NRXN3: variants seen among roughly 807,000 people sequenced by gnomAD.
NRXN3 encodes neurexin III.
In NRXN3, 32 loss-of-function variants were observed where a neutral mutation model predicts 137.6. That is an observed-to-expected ratio of 0.23 (90% CI 0.18 to 0.31). The LOEUF is 0.31. Ranked by LOEUF, NRXN3 falls within the 10% of genes least tolerant of loss-of-function variation. The pLI, the probability that NRXN3 is intolerant of heterozygous loss-of-function variation, is 1.00. For missense variants in NRXN3, 1,574 were observed against 2,062.5 expected (o/e 0.76, Z 4.59); for synonymous variants, 798 against 784.5 (o/e 1.02, Z -0.29).
At chr14:78,718,712 T>G (rs1317493540) in intron 8 of NRXN3, among the ~76,000 whole-genome samples, 4 of 152,222 alleles carry the variant, frequency 2.6e-5, no homozygotes, top group Admixed American at 6.5e-5. Flanking sequence ...GTATTTAGAT[T>G]TTTTTCAGCA....
intron 4 of NRXN3, among the ~76,000 whole-genome samples, chr14:78,551,184 T>C (rs898896986): frequency 6.6e-6 from 1 of 152,374 alleles, no homozygotes; most frequent in East Asian, 1.9e-4. Context: ...GGCCTCCATG[T>C]AATCAGAGAA....
At chr14:78,182,850 A>C (rs944327647) in intron 1 of NRXN3, among the ~76,000 whole-genome samples, 2 of 152,108 alleles carry the variant, frequency 1.3e-5, no homozygotes, top group African/African-American at 4.8e-5. Context: ...GGTGAGAAAA[A>C]AAAAGTTTTT....
chr14:78,177,636 T>C (rs2059400161), intron 1 of NRXN3, among the ~76,000 whole-genome samples: 1 of 152,080 alleles, frequency 6.6e-6, no homozygotes, highest in Non-Finnish European at 1.5e-5. Context: ...CATCACACAC[T>C]TTCTCTTAAA....
chr14:79,156,496 G>C (rs551962159), intron 15 of NRXN3, among the ~76,000 whole-genome samples: 1 of 151,662 alleles, frequency 6.6e-6, no homozygotes, highest in South Asian at 2.1e-4. Flanking sequence ...AGGAAGCAAG[G>C]TTAAACAAAT....
chr14:79,459,331 G>C (rs970931421), intron 15 of NRXN3, among the ~76,000 whole-genome samples: 3 of 151,980 alleles, frequency 2.0e-5, no homozygotes, highest in African/African-American at 7.2e-5. Flanking sequence ...GTAATTCATC[G>C]GGAGTGGGCT....
At chr14:79,023,692 AAGG>A (rs1410526532) in intron 15 of NRXN3, among the ~76,000 whole-genome samples, 1 of 152,132 alleles carries the variant, frequency 6.6e-6, no homozygotes, top group East Asian at 1.9e-4. Flanking sequence ...AGGCGACAGG[AAGG>A]AGAAGTGCCG....
intron 4 of NRXN3, among the ~76,000 whole-genome samples, chr14:78,622,278 A>G (rs1037544519): frequency 1.3e-5 from 2 of 152,216 alleles, no homozygotes; most frequent in African/African-American, 4.8e-5. Context: ...TAAAGCAAAC[A>G]TATTTCCAAA....
intron 1 of NRXN3, among the ~76,000 whole-genome samples, chr14:78,239,894 G>A (rs777681806): frequency 5.9e-5 from 9 of 152,104 alleles, no homozygotes; most frequent in Non-Finnish European, 1.0e-4. Flanking sequence ...AGTAGAGATG[G>A]GGTTTCGCCA....
intron 8 of NRXN3, among the ~76,000 whole-genome samples, chr14:78,774,684 G>A (rs1363275678): frequency 6.6e-6 from 1 of 152,164 alleles, no homozygotes; most frequent in African/African-American, 2.4e-5. Context: ...TTTAGAGGCT[G>A]AGGCAGGCAG....
At position 79,001,526 on chromosome 14, in the gene NRXN3, C is replaced by A. The variant is rs568606210; in HGVS notation, c.3262+13385C>A. Among the ~76,000 whole-genome samples, 51 of 152,326 alleles carry A rather than the reference C, an allele frequency of 3.3e-4. 1 individual carries two copies. The highest frequency in any genetic ancestry group is 1.2e-3 in the African/African-American group (48 of 41,588). ...CATTCTGTCGTCATTATGCTCCATG[C>A]CCTTGCAGCTGTACTTCTTTCTCCC... is the stretch of plus-strand genomic sequence containing the variant. On this transcript the variant is annotated intron_variant, in intron 15 of 20. Transcript: ENST00000335750.
chr14:78,728,754 G>C (rs944548789), intron 8 of NRXN3, among the ~76,000 whole-genome samples: 4 of 152,122 alleles, frequency 2.6e-5, no homozygotes, highest in Non-Finnish European at 5.9e-5. Flanking sequence ...AAAAAAATTA[G>C]CCAGGCATGG....
At chr14:79,445,573 A>T (rs535585566) in intron 15 of NRXN3, among the ~76,000 whole-genome samples, 141 of 152,262 alleles carry the variant, frequency 9.3e-4, no homozygotes, top group African/African-American at 3.1e-3. Flanking sequence ...GATGAGGGAA[A>T]GTTGCTACTT....
At chr14:78,582,641 A>G (rs1267916037) in intron 4 of NRXN3, among the ~76,000 whole-genome samples, 3 of 152,212 alleles carry the variant, frequency 2.0e-5, no homozygotes, top group Non-Finnish European at 4.4e-5. Flanking sequence ...ATGAGATGAC[A>G]TAGCATGAAG....
chr14:78,458,606 A>G lies in NRXN3; in HGVS notation c.757+160746A>G, dbSNP rs557063375. 3.3e-5 allele frequency among the ~76,000 whole-genome samples: 5 copies of G among 152,328 alleles called. No homozygotes were observed. In the South Asian group the frequency reaches 1.0e-3, roughly 32 times the overall value. On this transcript the variant is annotated intron_variant, in intron 4 of 20. Coordinates refer to ENST00000335750, the MANE Select transcript of NRXN3 (RefSeq NM_001330195.2). The stretch of plus-strand genomic sequence containing the variant: ...ATCTGTCTCTAAGTTGGGGAAAAGG[A>G]GAACATCTCTTCTGAGGCAATTTTG...
intron 15 of NRXN3, among the ~76,000 whole-genome samples, chr14:79,232,239 T>C (rs957258998): frequency 1.3e-5 from 2 of 152,014 alleles, no homozygotes; most frequent in African/African-American, 2.4e-5. Context: ...CCTTGCCACG[T>C]CTTTGTGTGT....
At chr14:79,470,542 C>T (rs1366051744) in intron 16 of NRXN3, among the ~76,000 whole-genome samples, 1 of 152,116 alleles carries the variant, frequency 6.6e-6, no homozygotes, top group Non-Finnish European at 1.5e-5. Flanking sequence ...AAGGTCATAC[C>T]TCCCAACACT....
At chr14:78,319,111 C>T (rs907481032) in intron 4 of NRXN3, among the ~76,000 whole-genome samples, 3 of 152,206 alleles carry the variant, frequency 2.0e-5, no homozygotes, top group Non-Finnish European at 2.9e-5. Flanking sequence ...CTGCTTCTTT[C>T]TCTCTAATAA....
intron 16 of NRXN3, among the ~76,000 whole-genome samples, chr14:79,638,496 G>A (rs1051031132): frequency 4.6e-5 from 7 of 152,232 alleles, no homozygotes; most frequent in Admixed American, 3.9e-4. Context: ...TAATACCCAG[G>A]TTCTTTCTGT....
At chr14:79,079,389 A>G (rs1239492594) in intron 15 of NRXN3, among the ~76,000 whole-genome samples, 1 of 152,178 alleles carries the variant, frequency 6.6e-6, no homozygotes, top group East Asian at 1.9e-4. Context: ...CACTGAAATA[A>G]TGGTTTCTCC....
Sources: allele counts gnomAD v4.1 joint callset (sites outside exome capture counted in the v4.1 genomes callset), GRCh38; gene constraint gnomAD v4.1.1; transcripts MANE v1.5; gene names NCBI Gene and HGNC (gene_info 2026-07-23, HGNC 2026-07-21).